Variants in FNDC1 observed in about 807,000 individuals in gnomAD.
The protein encoded by FNDC1 is fibronectin type III domain containing 1, also known as fibronectin type III domain-containing protein 1.
In FNDC1, 96 loss-of-function variants were observed where a neutral mutation model predicts 168.0. That is an observed-to-expected ratio of 0.57 (90% CI 0.48 to 0.68). The LOEUF (loss-of-function observed/expected upper bound fraction) is 0.68. Among genes scored for constraint, FNDC1 ranks in the 30% least tolerant of loss-of-function variants. FNDC1 has a pLI of 0.00. For synonymous variants in FNDC1, 1,099 were observed against 1,025.9 expected, an observed-to-expected ratio of 1.07 and a Z score of -1.36; for missense variants, 2,587 against 2,482.1, an observed-to-expected ratio of 1.04 and a Z score of -0.90.
At position 159,233,590 on chromosome 6, in the gene FNDC1, G is replaced by C. The variant is rs1246486131; in HGVS notation, c.3078G>C (p.Arg1026=). 2 of 1,582,084 alleles carry C rather than the reference G, an allele frequency of 1.3e-6. No homozygotes were observed. The highest frequency in any genetic ancestry group is 4.6e-5 in the East Asian group (2 of 43,256). The change falls in exon 11 of 23, where the codon CGG becomes CGC. Residue 1026 remains arginine, a synonymous_variant. Transcript: ENST00000297267. This position sits in a 1 kb window ranked among gnomAD's most constrained non-coding sequence, Gnocchi z 4.6. ...GACCCCAGAGCAGAGACGCGGGTCG[G>C]TCACCTTCCCAGCCCAGGCTCTCAC... The part of the protein sequence containing the change: ...HPGPQSRDAG[R]SPSQPRLSLT...
In FNDC1 at chr6:159,231,979, A is replaced by G. The variant is rs1244597459; in HGVS notation, c.1467A>G (p.Gln489=). 3 of 1,613,912 alleles carry G rather than the reference A, an allele frequency of 1.9e-6. No individual in the cohort carries two copies. The highest frequency in any genetic ancestry group is 1.7e-5 in the Admixed American group (1 of 60,020). ...SPSPRAPASS[Q]HPSVPASPQG... ...CTCCCAGAGCTCCAGCTTCCTCCCA[A>G]CACCCCTCTGTGCCTGCTTCTCCCC... Residue 489 remains glutamine (Q), a synonymous_variant, in exon 11 of 23, where the codon CAA becomes CAG. Transcript: ENST00000297267.
chr6:159,233,643 C>G lies in FNDC1; in HGVS notation c.3131C>G (p.Thr1044Arg), dbSNP rs772153654. 1.3e-4 allele frequency: 195 copies of G among 1,554,436 alleles called. No individual in the cohort carries two copies. The highest frequency in any genetic ancestry group is 1.7e-4 in the Middle Eastern group (1 of 6,028). The change falls in exon 11 of 23, where the codon ACG becomes AGG. Residue 1044 changes from threonine to arginine, a missense_variant. Transcript: ENST00000297267. The surrounding 1 kb of genome is among the most constrained non-coding windows in gnomAD (Gnocchi z 4.6). Reference sequence around the variant, plus strand: ...ACCCAGGCCGGGCGGCCCCGCCCCACGTCGCAGGGCCGCTCCCACTCCTCC... The same window carrying G: ...ACCCAGGCCGGGCGGCCCCGCCCCAGGTCGCAGGGCCGCTCCCACTCCTCC... ...SLTQAGRPRP[T>R]SQGRSHSSSD...
intron 1 of FNDC1, among the ~76,000 whole-genome samples, chr6:159,187,301 T>A (rs1782023978): frequency 6.6e-6 from 1 of 152,172 alleles, no homozygotes; most frequent in African/African-American, 2.4e-5. Flanking sequence ...CTGTCCTCCA[T>A]CTCTCGTGGC....
In FNDC1 at chr6:159,234,244, C is replaced by T. The variant is rs1355099818; in HGVS notation, c.3732C>T (p.Leu1244=). Residue 1244 remains leucine (L), a synonymous_variant, in exon 11 of 23, where the codon CTC becomes CTT. Transcript: ENST00000297267. ...GGSLAPVKRP[L]PPPPGSSPRA... ...GCCTGGCTCCTGTGAAGCGACCTCT[C>T]CCCCCACCTCCAGGCAGCTCCCCCA... 4 of 1,590,734 alleles carry T rather than the reference C, an allele frequency of 2.5e-6. No individual in the cohort carries two copies. Among genetic ancestry groups the T allele is most frequent in the Non-Finnish European group, 3.4e-6 (4 of 1,168,588 alleles).
intron 4 of FNDC1, among the ~76,000 whole-genome samples, chr6:159,204,768 T>C (rs151084630): frequency 6.6e-6 from 1 of 152,340 alleles, no homozygotes; most frequent in Non-Finnish European, 1.5e-5. Flanking sequence ...GCTGGTTTTC[T>C]CACTTCATCC....
intron 7 of FNDC1, among the ~76,000 whole-genome samples, chr6:159,224,829 T>C (rs1782918388): frequency 6.6e-6 from 1 of 152,242 alleles, no homozygotes; most frequent in Non-Finnish European, 1.5e-5. Flanking sequence ...AAAGACAATT[T>C]CTTTGAAAGG....
At chr6:159,176,163 C>T (rs1030323379) in intron 1 of FNDC1, among the ~76,000 whole-genome samples, 8 of 152,176 alleles carry the variant, frequency 5.3e-5, no homozygotes, top group Admixed American at 3.9e-4. Flanking sequence ...TGGGTCATAA[C>T]TCTTCAGGCC....
chr6:159,214,509 G>A lies in FNDC1; in HGVS notation c.461-436G>A, dbSNP rs568627847. ...TTCATTGTAAAGGCAAGGAAAGCCC[G>A]TCTTTTCAACATTACAGTGAAAAAG... is the stretch of plus-strand genomic sequence containing the variant. On this transcript the variant is annotated intron_variant, in intron 4 of 22. Transcript: ENST00000297267. Among the ~76,000 whole-genome samples, 10 of 152,322 alleles carry A rather than the reference G, an allele frequency of 6.6e-5. No homozygotes were observed. The South Asian group carries it at 1.9e-3, about 28-fold the overall frequency.
intron 19 of FNDC1, 147 bp downstream of exon 19, chr6:159,261,416 G>A (rs1032766396): frequency 3.4e-6 from 2 of 594,584 alleles, no homozygotes; most frequent in Non-Finnish European, 5.7e-6. Context: ...AACATCATTT[G>A]CTTTGTGCTA....
chr6:159,208,448 G>A (rs1347632539), intron 4 of FNDC1, among the ~76,000 whole-genome samples: 7 of 152,190 alleles, frequency 4.6e-5, no homozygotes, highest in African/African-American at 1.7e-4. Flanking sequence ...GCAAGCAACT[G>A]TAGAACCTCT....
chr6:159,203,841 G>C (rs1013422606), intron 4 of FNDC1, among the ~76,000 whole-genome samples: 6 of 152,132 alleles, frequency 3.9e-5, no homozygotes, highest in African/African-American at 1.4e-4. Flanking sequence ...TCTGCTACCC[G>C]CCAGCCTAGG....
intron 14 of FNDC1, among the ~76,000 whole-genome samples, chr6:159,243,838 G>T (rs1783483499): frequency 6.6e-6 from 1 of 152,068 alleles, no homozygotes; most frequent in African/African-American, 2.4e-5. Context: ...TTGGTCTTAA[G>T]AAAAAGAACA....
intron 14 of FNDC1, among the ~76,000 whole-genome samples, chr6:159,241,815 A>G (rs1397693004): frequency 6.6e-6 from 1 of 152,188 alleles, no homozygotes; most frequent in Non-Finnish European, 1.5e-5. Context: ...TTTAATCCAT[A>G]CATGTCGATG....
At chr6:159,237,401 G>T (rs551110611) in intron 12 of FNDC1, among the ~76,000 whole-genome samples, 2 of 152,148 alleles carry the variant, frequency 1.3e-5, no homozygotes, top group Non-Finnish European at 2.9e-5. Context: ...AAGTTCCTAT[G>T]TGATGCTGAG....
At chr6:159,188,106 A>G (rs1293209415) in intron 1 of FNDC1, among the ~76,000 whole-genome samples, 2 of 152,230 alleles carry the variant, frequency 1.3e-5, no homozygotes, top group African/African-American at 4.8e-5. Context: ...TCAAACAAAG[A>G]TGAAGTAGGG....
In FNDC1 at chr6:159,233,810, G is replaced by A. The variant is rs1783170768; in HGVS notation, c.3298G>A (p.Ala1100Thr). 7.1e-6 allele frequency: 11 copies of A among 1,538,542 alleles called. No individual in the cohort carries two copies. The highest frequency in any genetic ancestry group is 2.5e-5 in the East Asian group (1 of 40,740). Reference protein sequence around the residue: ...DVRAPAHAARAKEAAASLPKH... With the variant: ...DVRAPAHAARTKEAAASLPKH... ...GCGGGCCCCCGCGCACGCCGCGCGC[G>A]CCAAGGAGGCAGCTGCGTCCCTTCC... The change falls in exon 11 of 23, where the codon GCC becomes ACC. Residue 1100 changes from alanine to threonine, a missense_variant. By Grantham distance (58) the Ala-to-Thr change is moderately conservative (BLOSUM62 0). Coordinates refer to ENST00000297267, the MANE Select transcript of FNDC1 (RefSeq NM_032532.3). This position sits in a 1 kb window ranked among gnomAD's most constrained non-coding sequence, Gnocchi z 4.6.
intron 1 of FNDC1, among the ~76,000 whole-genome samples, chr6:159,184,329 C>G (rs556560245): frequency 1.3e-5 from 2 of 152,284 alleles, no homozygotes; most frequent in African/African-American, 4.8e-5. Context: ...CCTTTCCTTT[C>G]TTTTTTACTT....
At chr6:159,213,518 C>T (rs575776885) in intron 4 of FNDC1, among the ~76,000 whole-genome samples, 1 of 152,126 alleles carries the variant, frequency 6.6e-6, no homozygotes, top group Non-Finnish European at 1.5e-5. Context: ...GACACTGTGA[C>T]CCCCAGTATC....
chr6:159,176,548 C>T (rs540627923), intron 1 of FNDC1, among the ~76,000 whole-genome samples: 2 of 152,204 alleles, frequency 1.3e-5, no homozygotes, highest in Non-Finnish European at 1.5e-5. Flanking sequence ...GGTCGAGGAA[C>T]AGACCCTGCT....
Sources: gnomAD v4.1 joint callset for allele counts (sites outside exome capture counted in the v4.1 genomes callset) on GRCh38, gnomAD v4.1.1 for gene constraint, Gnocchi (gnomAD v3.1) non-coding constraint, MANE v1.5 for transcripts, NCBI Gene and HGNC (gene_info 2026-07-23, HGNC 2026-07-21) for gene names.